ADAR: variants seen among roughly 807,000 people sequenced by gnomAD.
ADAR encodes the protein double-stranded RNA-specific adenosine deaminase.
Under a neutral mutation model 113.2 loss-of-function variants are expected in ADAR, and 41 were observed. That is an observed-to-expected ratio of 0.36 (90% CI 0.28 to 0.47). The LOEUF (loss-of-function observed/expected upper bound fraction) is 0.47. Ranked by LOEUF, ADAR falls within the 20% of genes least tolerant of loss-of-function variation. The probability of loss-of-function intolerance (pLI) is 1.00; values close to 1 mark genes in which losing one functional copy is unlikely to be tolerated. For missense variants in ADAR, 1,242 were observed against 1,540.9 expected, an observed-to-expected ratio of 0.81 and a Z score of 3.25; for synonymous variants, 605 against 572.6, an observed-to-expected ratio of 1.06 and a Z score of -0.81.
intron 1 of ADAR, among the ~76,000 whole-genome samples, chr1:154,624,026 A>G (rs1359948102): frequency 2.0e-5 from 3 of 151,838 alleles, no homozygotes; most frequent in African/African-American, 7.3e-5. Context: ...AAAAAAAAAA[A>G]GAAAAAGAAA....
At chr1:154,612,904 C>T (rs1698529055), upstream of ADAR, among the ~76,000 whole-genome samples, 1 of 151,930 alleles carries the variant, frequency 6.6e-6, no homozygotes, top group Non-Finnish European at 1.5e-5. Flanking sequence ...CTCCACCTCC[C>T]AGGTTCAAGT....
At chr1:154,587,289 C>T (rs1444651119) in intron 11 of ADAR, among the ~76,000 whole-genome samples, 1 of 152,144 alleles carries the variant, frequency 6.6e-6, no homozygotes, top group African/African-American at 2.4e-5. Flanking sequence ...ATCAAGTTTT[C>T]AAGTGCATCC....
In ADAR at chr1:154,601,014, A is replaced by T. The variant is rs957397597; in HGVS notation, c.1601+27T>A. On this transcript the variant is annotated intron_variant, in intron 2 of 14. Transcript: ENST00000368474. This position sits in a 1 kb window ranked among gnomAD's most constrained non-coding sequence, Gnocchi z 4.7. ...AGCAAAAGCACCTGACCCCAACCCT[A>T]GGTACAGTTCCTGGGTGGTCTCTTA... The T allele has an allele frequency of 1.9e-6, 3 of 1,613,732 alleles. No individual in the cohort carries two copies. The highest frequency in any genetic ancestry group is 3.3e-5 in the Admixed American group (2 of 60,022).
chr1:154,597,830 G>A lies in ADAR; in HGVS notation c.1932C>T (p.Pro644=). The A allele has an allele frequency of 6.2e-7, 1 of 1,614,110 alleles. No individual in the cohort carries two copies. Among genetic ancestry groups the A allele is most frequent in the Non-Finnish European group, 8.5e-7 (1 of 1,180,028 alleles). ...LLSKEGPAHE[P]KFQYCVAVGA... is the part of the protein sequence containing the mutation. ...GACAGAGGACACGTAGGACATACTT[G>A]GGTTCATGGGCAGGGCCTTCTTTGG... Residue 644 remains proline, a splice_region_variant and synonymous_variant, in exon 4 of 15, where the codon CCC becomes CCT. Transcript: ENST00000368474.
At chr1:154,627,761 C>G (rs908205881) in intron 1 of ADAR, 59 of 472,510 alleles carry the variant, frequency 1.2e-4, no homozygotes, top group African/African-American at 8.5e-4. Context: ...CGCCCCCACG[C>G]TTCCTCTAAC....
intron 2 of ADAR, 24 bp from the exon 3 acceptor site, chr1:154,598,609 G>A (rs753700201): frequency 1.2e-6 from 2 of 1,612,176 alleles, no homozygotes; most frequent in Admixed American, 1.7e-5. Context: ...GATTAGATGT[G>A]TGAACAGGAG....
At chr1:154,615,770 G>C (rs1477489865) in intron 1 of ADAR, among the ~76,000 whole-genome samples, 1 of 152,086 alleles carries the variant, frequency 6.6e-6, no homozygotes, top group Non-Finnish European at 1.5e-5. Context: ...AACAGAATTA[G>C]AGCTTTTAGT....
At chr1:154,608,303 C>A, upstream of ADAR, 1 of 476,542 alleles carries the variant, frequency 2.1e-6, no homozygotes, top group Non-Finnish European at 3.7e-6. Context: ...TCGAACCCCT[C>A]CGCTGCATGA....
upstream of ADAR, among the ~76,000 whole-genome samples, chr1:154,612,318 G>GTTTTTTTTT (rs55714254): frequency 7.7e-4 from 53 of 69,202 alleles, 7 homozygotes; most frequent in African/African-American, 3.2e-3. Flanking sequence ...AAATTACTCA[G>GTTTTTTTTT]TTTTTTTTTT....
Position 154,608,117 on chromosome 1 carries a change from A to G in ADAR, c.-111T>C. 7.3e-7 allele frequency: 1 copy of G among 1,372,648 alleles called. No homozygotes were observed. The highest frequency in any genetic ancestry group is 3.4e-5 in the Admixed American group (1 of 29,730). The allele number at this position is 1,372,648 out of a possible 1,614,324, so 85.0% of individuals were successfully genotyped here. A position where few individuals can be genotyped will look rare whatever the true frequency, so the allele number is the denominator to read the frequency against. On this transcript the variant is annotated 5_prime_UTR_variant, in exon 1 of 15. Transcript: ENST00000368474. ...CCACGCCTCCGCTACTCCGCACTGG[A>G]AGTGGCCCCGGGGCGTCGGCACGGG...
chr1:154,608,018 G>A lies in ADAR; in HGVS notation c.-12C>T. 1.3e-6 allele frequency: 2 copies of A among 1,587,914 alleles called. No homozygotes were observed. Among genetic ancestry groups the A allele is most frequent in the Non-Finnish European group, 8.6e-7 (1 of 1,166,626 alleles). ...TGCCGCGGATTCATTGCGCCCGCGA[G>A]GCATTGCCCGGCCCGACCCGCCGGC... On this transcript the variant is annotated 5_prime_UTR_variant, in exon 1 of 15. Coordinates refer to ENST00000368474, the MANE Select transcript of ADAR (RefSeq NM_001111.5).
At position 154,584,302 on chromosome 1, in the gene ADAR, G is replaced by A. The variant is rs898597485; in HGVS notation, c.*504C>T. 1 of 156,764 alleles carries A rather than the reference G, an allele frequency of 6.4e-6. No homozygotes were observed. Among genetic ancestry groups the A allele is most frequent in the African/African-American group, 2.4e-5 (1 of 41,424 alleles). The allele number at this position is 156,764 out of a possible 1,614,324, so 9.7% of individuals were successfully genotyped here. A position where few individuals can be genotyped will look rare whatever the true frequency, so the allele number is the denominator to read the frequency against. On this transcript the variant is annotated 3_prime_UTR_variant, in exon 15 of 15. Transcript: ENST00000368474. ...TATGTTCACCTCTTTGCCCTCTGAG[G>A]GGGAAAAGGAGACATTCAGATCACA...
upstream of ADAR, among the ~76,000 whole-genome samples, chr1:154,610,902 C>G (rs766738435): frequency 2.0e-5 from 3 of 147,716 alleles, no homozygotes; most frequent in Non-Finnish European, 4.5e-5. Context: ...GGGAAGAAAT[C>G]TTTTGGGTAC....
intron 11 of ADAR, among the ~76,000 whole-genome samples, chr1:154,587,485 G>A (rs147420065): frequency 6.6e-6 from 1 of 152,178 alleles, no homozygotes; most frequent in Non-Finnish European, 1.5e-5. Flanking sequence ...TGTGGACACA[G>A]ATCTCCATCT....
chr1:154,598,686 G>T (rs1034637728), intron 2 of ADAR, 101 bp from the exon 3 acceptor site: 4 of 1,170,904 alleles, frequency 3.4e-6, no homozygotes, highest in Non-Finnish European at 3.6e-6. Flanking sequence ...ACGCTAAGGG[G>T]CTTTTCACTT....
At chr1:154,620,003 G>A (rs1163870042) in intron 1 of ADAR, among the ~76,000 whole-genome samples, 1 of 152,220 alleles carries the variant, frequency 6.6e-6, no homozygotes, top group Non-Finnish European at 1.5e-5. Flanking sequence ...GAGGATGGGG[G>A]AAAAGAGGAG....
intron 6 of ADAR, among the ~76,000 whole-genome samples, chr1:154,592,196 T>C (rs752012889): frequency 6.6e-6 from 1 of 152,134 alleles, no homozygotes; most frequent in Non-Finnish European, 1.5e-5. Context: ...GATTTAACAG[T>C]GTCCTTCGCC....
exon 1 of ADAR, chr1:154,627,929 T>TCCCCCCCC: frequency 3.6e-6 from 1 of 278,694 alleles, no homozygotes; most frequent in South Asian, 2.0e-5. Context: ...CCCCCCACCC[T>TCCCCCCCC]CCCCCACCAC....
rs147071898 is a variant in ADAR at position 154,618,107 on chromosome 1, G to A, written c.-871+9748C>T. On this transcript the variant is annotated intron_variant, in intron 1 of 14. Transcript: ENST00000368471. Reference sequence around the variant, plus strand: ...TATACATTACTATAGTAATATATAAGTATACCTTCTTCATATAGTAAGTAT... The same window carrying A: ...TATACATTACTATAGTAATATATAAATATACCTTCTTCATATAGTAAGTAT... Among the ~76,000 whole-genome samples, 1,305 of 149,984 alleles carry A rather than the reference G, an allele frequency of 8.7e-3. 21 individuals carry two copies. Among genetic ancestry groups the A allele is most frequent in the African/African-American group, 0.03 (1,242 of 41,010 alleles).
Sources: allele counts gnomAD v4.1 joint callset (sites outside exome capture counted in the v4.1 genomes callset), GRCh38; gene constraint gnomAD v4.1.1; non-coding constraint Gnocchi (gnomAD v3.1); transcripts MANE v1.5; gene names NCBI Gene and HGNC (gene_info 2026-07-23, HGNC 2026-07-21).